Variants in CAMTA1 observed in about 807,000 individuals in gnomAD.
The protein encoded by CAMTA1 is calmodulin binding transcription activator 1.
In CAMTA1, 27 loss-of-function variants were observed where a neutral mutation model predicts 170.9. The ratio of observed to expected loss-of-function variants is 0.16; its 90% CI spans 0.12 to 0.22. The LOEUF is 0.22. Among genes scored for constraint, CAMTA1 ranks in the 10% least tolerant of loss-of-function variants. CAMTA1 has a pLI of 1.00. For synonymous variants in CAMTA1, 833 were observed against 891.5 expected (o/e 0.93, Z 1.17); for missense variants, 1,619 against 2,217.2 (o/e 0.73, Z 5.42).
At chr1:7,467,679 G>C in intron 5 of CAMTA1, 151 bp from the exon 6 acceptor site, 1 of 770,674 alleles carries the variant, frequency 1.3e-6, no homozygotes, top group Non-Finnish European at 2.3e-6. Context: ...CTTAGTCTTG[G>C]AGCTGGAGCC....
At chr1:6,856,152 A>G (rs998499070) in intron 3 of CAMTA1, among the ~76,000 whole-genome samples, 30 of 152,240 alleles carry the variant, frequency 2.0e-4, no homozygotes, top group African/African-American at 7.0e-4. Flanking sequence ...GAGCAGCTGC[A>G]GGTGCTTGTA....
At chr1:7,723,325 G>A (rs569852327) in intron 11 of CAMTA1, among the ~76,000 whole-genome samples, 4 of 152,254 alleles carry the variant, frequency 2.6e-5, no homozygotes, top group Non-Finnish European at 5.9e-5. Context: ...AGCTCCTGAT[G>A]GCCAAAGCTG....
chr1:7,565,701 C>A lies in CAMTA1; in HGVS notation c.511-74699C>A, dbSNP rs940508054. Among the ~76,000 whole-genome samples, 12 of 152,140 alleles carry A rather than the reference C, an allele frequency of 7.9e-5. No homozygotes were observed. The highest frequency in any genetic ancestry group is 2.9e-4 in the African/African-American group (12 of 41,432). On this transcript the variant is annotated intron_variant, in intron 6 of 22. Transcript: ENST00000303635. This position sits in a 1 kb window ranked among gnomAD's most constrained non-coding sequence, Gnocchi z 4.5. ...GGGGAAAGGAATTCCTGGGTATTTT[C>A]TGGGGGCTGTTTTATGTTGTTTGTT... is the stretch of plus-strand genomic sequence containing the variant.
chr1:7,584,386 C>T (rs1255200568), intron 6 of CAMTA1, among the ~76,000 whole-genome samples: 1 of 151,930 alleles, frequency 6.6e-6, no homozygotes, highest in Non-Finnish European at 1.5e-5. Flanking sequence ...TGCAGGCAGG[C>T]CAGGAGGAGA....
chr1:7,154,292 G>A lies in CAMTA1; in HGVS notation c.302+62921G>A, dbSNP rs377510086. Among the ~76,000 whole-genome samples the A allele has an allele frequency of 1.2e-3, 189 of 152,246 alleles. No homozygotes were observed. In the Middle Eastern group the frequency reaches 0.02, roughly 16 times the overall value. On this transcript the variant is annotated intron_variant, in intron 4 of 22. Coordinates refer to ENST00000303635, the MANE Select transcript of CAMTA1 (RefSeq NM_015215.4). Reference sequence around the variant, plus strand: ...CTCCCGTCTGTAGGTGTTGAGGTTTGCATTTGATAGCAGGAAAAGGTGCTA... The same window carrying A: ...CTCCCGTCTGTAGGTGTTGAGGTTTACATTTGATAGCAGGAAAAGGTGCTA...
chr1:6,935,527 C>T (rs1272190278), intron 3 of CAMTA1, among the ~76,000 whole-genome samples: 2 of 152,198 alleles, frequency 1.3e-5, no homozygotes. Context: ...GAGAAGGCTG[C>T]TCTCTGAATA....
chr1:6,922,843 AGGTT>A (rs1160683072), intron 3 of CAMTA1, among the ~76,000 whole-genome samples: 1 of 152,126 alleles, frequency 6.6e-6, no homozygotes. Flanking sequence ...AGGGAGGGCC[AGGTT>A]TTAATTTGGA....
chr1:6,810,588 C>G (rs987828417), intron 1 of CAMTA1, among the ~76,000 whole-genome samples: 1 of 152,122 alleles, frequency 6.6e-6, no homozygotes, highest in African/African-American at 2.4e-5. Flanking sequence ...AGGCAGATCA[C>G]GAGGTCAGGA....
rs1252458255 is a variant in CAMTA1, at chr1:7,093,062, A to G, written c.302+1691A>G. 6.6e-6 allele frequency among the ~76,000 whole-genome samples: 1 copy of G among 152,202 alleles called. No individual in the cohort carries two copies. Among genetic ancestry groups the G allele is most frequent in the African/African-American group, 2.4e-5 (1 of 41,446 alleles). Reference sequence around the variant, plus strand: ...GGTGGAGAGGATGGGAATACAGTGCACTATTTGGTGAATACGGCCATGTTA... The same window carrying G: ...GGTGGAGAGGATGGGAATACAGTGCGCTATTTGGTGAATACGGCCATGTTA... On this transcript the variant is annotated intron_variant, in intron 4 of 22. Transcript: ENST00000303635. The surrounding 1 kb of genome is among the most constrained non-coding windows in gnomAD (Gnocchi z 4.6).
At chr1:7,324,382 T>C (rs1678954308) in intron 5 of CAMTA1, among the ~76,000 whole-genome samples, 1 of 152,116 alleles carries the variant, frequency 6.6e-6, no homozygotes, top group African/African-American at 2.4e-5. Context: ...AAATAGCATA[T>C]ATAAAGATTC....
At chr1:7,376,140 C>A (rs949642952) in intron 5 of CAMTA1, among the ~76,000 whole-genome samples, 5 of 152,234 alleles carry the variant, frequency 3.3e-5, no homozygotes, top group Non-Finnish European at 5.9e-5. Flanking sequence ...ATCCTGGCCA[C>A]CTCCATCTAG....
intron 6 of CAMTA1, among the ~76,000 whole-genome samples, chr1:7,569,290 C>A (rs1030489534): frequency 1.3e-5 from 2 of 149,608 alleles, no homozygotes; most frequent in African/African-American, 4.9e-5. Flanking sequence ...ACCATCACCA[C>A]CACCAACCAT....
chr1:6,850,487 A>G (rs186312852), intron 3 of CAMTA1, among the ~76,000 whole-genome samples: 56 of 152,328 alleles, frequency 3.7e-4, no homozygotes, highest in African/African-American at 1.3e-3. Context: ...ACAAAGAGTG[A>G]AAAAGGGAGA....
At chr1:7,262,893 C>T (rs575643779) in intron 5 of CAMTA1, among the ~76,000 whole-genome samples, 13 of 152,294 alleles carry the variant, frequency 8.5e-5, no homozygotes, top group Admixed American at 6.5e-4. Context: ...TGAGCAGATG[C>T]GTGTGTTGAC....
At chr1:6,840,190 A>AGT (rs1655100441) in intron 3 of CAMTA1, among the ~76,000 whole-genome samples, 2 of 152,108 alleles carry the variant, frequency 1.3e-5, no homozygotes, top group Admixed American at 1.3e-4. Flanking sequence ...CAAGAGCGGA[A>AGT]CACCGTCTCA....
chr1:7,643,694 T>C (rs2148961912), intron 7 of CAMTA1, among the ~76,000 whole-genome samples: 1 of 152,222 alleles, frequency 6.6e-6, no homozygotes, highest in Admixed American at 6.5e-5. Context: ...TACAACAAAC[T>C]CCCCATAAAT....
chr1:7,130,746 A>G (rs12032971), intron 4 of CAMTA1, among the ~76,000 whole-genome samples: 5,488 of 152,248 alleles, frequency 0.036, 143 homozygotes, highest in South Asian at 0.097. Context: ...TCTGTTCTCA[A>G]GAGCTGATAA....
intron 3 of CAMTA1, among the ~76,000 whole-genome samples, chr1:7,068,215 G>A (rs565013777): frequency 1.2e-4 from 18 of 152,238 alleles, no homozygotes; most frequent in Admixed American, 3.9e-4. Context: ...CGGTGTGGTC[G>A]CTTTAGCCTT....
intron 7 of CAMTA1, among the ~76,000 whole-genome samples, chr1:7,655,711 CTA>C (rs1334564147): frequency 2.6e-5 from 4 of 151,918 alleles, no homozygotes; most frequent in Non-Finnish European, 4.4e-5. Flanking sequence ...ATACACACAT[CTA>C]TATACACATA....
Sources: gnomAD v4.1 joint callset for allele counts (sites outside exome capture counted in the v4.1 genomes callset) on GRCh38, gnomAD v4.1.1 for gene constraint, Gnocchi (gnomAD v3.1) non-coding constraint, MANE v1.5 for transcripts, NCBI Gene and HGNC (gene_info 2026-07-23, HGNC 2026-07-21) for gene names.